Variants in NBAS observed in about 807,000 individuals in gnomAD.
NBAS encodes the protein NBAS subunit of NRZ tethering complex, also known as NAG/BC035112 fusion.
Under a neutral mutation model 302.5 loss-of-function variants are expected in NBAS, and 219 were observed. The observed-to-expected ratio is 0.72, with a 90% CI of 0.65 to 0.81. The LOEUF (loss-of-function observed/expected upper bound fraction) is 0.81. Ranked by LOEUF, NBAS falls within the 30% of genes least tolerant of loss-of-function variation. The probability of loss-of-function intolerance (pLI) is 0.00; values close to 1 mark genes in which losing one functional copy is unlikely to be tolerated. For missense variants in NBAS, 2,932 were observed against 2,841.6 expected (o/e 1.03, Z -0.72); for synonymous variants, 1,118 against 1,021.6 (o/e 1.09, Z -1.80).
Position 15,426,387 on chromosome 2 carries a change from T to C in NBAS, c.2423+1324A>G, listed in dbSNP as rs80244357. On this transcript the variant is annotated intron_variant, in intron 22 of 51. Transcript: ENST00000281513. ...ATGCATAATCTTCCATTCAAAGCAA[T>C]AGGCTTGAATTATTTCTTATAATTT... Among the ~76,000 whole-genome samples the C allele has an allele frequency of 6.2e-3, 942 of 152,316 alleles. 15 individuals are homozygous for C. The East Asian group carries it at 0.078, about 13-fold the overall frequency.
chr2:14,827,291 T>C, the NBAS span, among the ~76,000 whole-genome samples: 1 of 152,216 alleles, frequency 6.6e-6, no homozygotes, highest in African/African-American at 2.4e-5. Context: ...ATATTGTTAA[T>C]TCAAATTCTA....
rs776271105 is a variant in NBAS, at chr2:15,415,547, T to A, written c.2936A>T (p.Asp979Val). ...PLKIFQHSKP[D>V]LQQKIIPDQD... ...TTTAAGAAGTTAGTTTCTACTTACA[T>A]CTGGTTTGGAATGCTGAAATATCTT... is the stretch of plus-strand genomic sequence containing the variant. The change falls in exon 25 of 52, where the codon GAT becomes GTT. Residue 979 changes from aspartate to valine, a missense_variant and splice_region_variant. By Grantham distance (152) the Asp-to-Val change is radical. Transcript: ENST00000281513. 2.5e-6 allele frequency: 4 copies of A among 1,613,960 alleles called. No individual in the cohort carries two copies. The highest frequency in any genetic ancestry group is 3.4e-6 in the Non-Finnish European group (4 of 1,179,822).
chr2:15,130,071 C>T, the NBAS span, among the ~76,000 whole-genome samples: 1 of 152,170 alleles, frequency 6.6e-6, no homozygotes, highest in Non-Finnish European at 1.5e-5. Flanking sequence ...ACTCTTCAAC[C>T]CTGCCAACTA....
chr2:15,549,277 T>C (rs1664261973), intron 6 of NBAS, among the ~76,000 whole-genome samples: 1 of 152,158 alleles, frequency 6.6e-6, no homozygotes. Context: ...GAATAGTGTT[T>C]TTTTAATGAT....
the NBAS span, among the ~76,000 whole-genome samples, chr2:15,026,799 A>G: frequency 1.3e-5 from 2 of 152,272 alleles, no homozygotes; most frequent in African/African-American, 2.4e-5. Flanking sequence ...TATCTGAAAT[A>G]TATTTTATGT....
intron 4 of NBAS, among the ~76,000 whole-genome samples, chr2:15,553,696 C>G (rs73202791): frequency 5.3e-5 from 8 of 151,532 alleles, no homozygotes; most frequent in African/African-American, 1.9e-4. Context: ...CTCTCTCCCC[C>G]ACTCTCCCCA....
chr2:15,394,644 T>C (rs1168681976), intron 27 of NBAS, among the ~76,000 whole-genome samples: 2 of 152,248 alleles, frequency 1.3e-5, no homozygotes, highest in East Asian at 1.9e-4. Context: ...CACCTGTCAG[T>C]AAAATAAGCC....
chr2:15,411,438 A>C lies in NBAS; in HGVS notation c.2937+4108T>G, dbSNP rs114234966. ...GCAGGTAAGCAGATTTTTTAAAATT[A>C]ACATTTTAATGAGTACTTCTAAATA... On this transcript the variant is annotated intron_variant, in intron 25 of 51. Transcript: ENST00000281513. Among the ~76,000 whole-genome samples the C allele has an allele frequency of 6.8e-3, 1,029 of 152,328 alleles. 12 individuals are homozygous for C. Among genetic ancestry groups the C allele is most frequent in the African/African-American group, 0.022 (928 of 41,576 alleles).
At chr2:15,481,374 T>C (rs971326261) in intron 12 of NBAS, among the ~76,000 whole-genome samples, 1 of 152,168 alleles carries the variant, frequency 6.6e-6, no homozygotes, top group Non-Finnish European at 1.5e-5. Flanking sequence ...TAGCCTCAAC[T>C]TACCATCCTT....
the NBAS span, among the ~76,000 whole-genome samples, chr2:14,846,533 T>C: frequency 7.1e-5 from 10 of 141,406 alleles, no homozygotes; most frequent in Non-Finnish European, 3.0e-5. Context: ...AACTATATAA[T>C]ATGATAAAAC....
intron 47 of NBAS, among the ~76,000 whole-genome samples, chr2:15,226,842 A>G (rs1449769365): frequency 6.6e-6 from 1 of 152,232 alleles, no homozygotes; most frequent in African/African-American, 2.4e-5. Context: ...ATAGATGATC[A>G]TGCTATGTGC....
chr2:14,948,176 G>C, the NBAS span, among the ~76,000 whole-genome samples: 1 of 151,822 alleles, frequency 6.6e-6, no homozygotes, highest in Non-Finnish European at 1.5e-5. Flanking sequence ...TTTCTTTTTT[G>C]TTATGTTCTT....
intron 41 of NBAS, among the ~76,000 whole-genome samples, chr2:15,291,040 T>A (rs1670282031): frequency 6.6e-6 from 1 of 152,258 alleles, no homozygotes; most frequent in Admixed American, 6.5e-5. Flanking sequence ...AGATTATCTT[T>A]GCTATTTTAA....
the NBAS span, among the ~76,000 whole-genome samples, chr2:15,139,413 T>A: frequency 2.0e-5 from 3 of 152,186 alleles, no homozygotes; most frequent in African/African-American, 7.2e-5. Context: ...AATTGCTGTT[T>A]AAGTGTGATT....
intron 44 of NBAS, among the ~76,000 whole-genome samples, chr2:15,268,460 A>G (rs1336000460): frequency 6.6e-6 from 1 of 152,160 alleles, no homozygotes; most frequent in Non-Finnish European, 1.5e-5. Flanking sequence ...TCATTTTTAT[A>G]TTGATCACAT....
chr2:15,117,076 C>T, the NBAS span, among the ~76,000 whole-genome samples: 1 of 152,070 alleles, frequency 6.6e-6, no homozygotes, highest in Non-Finnish European at 1.5e-5. Flanking sequence ...CAGTTGTGCC[C>T]TTCGCAATAC....
At chr2:15,435,970 T>C (rs1455453233) in intron 21 of NBAS, among the ~76,000 whole-genome samples, 3 of 152,228 alleles carry the variant, frequency 2.0e-5, no homozygotes, top group Non-Finnish European at 4.4e-5. Flanking sequence ...ACTAACTTTA[T>C]ATAAATGCAT....
At chr2:15,244,960 C>T (rs1015357125) in intron 44 of NBAS, among the ~76,000 whole-genome samples, 3 of 152,006 alleles carry the variant, frequency 2.0e-5, no homozygotes, top group Admixed American at 6.6e-5. Context: ...CAATCACACC[C>T]GATTTTCCAG....
At chr2:15,474,613 T>G (rs1680109130) in intron 14 of NBAS, among the ~76,000 whole-genome samples, 1 of 152,006 alleles carries the variant, frequency 6.6e-6, no homozygotes, top group Non-Finnish European at 1.5e-5. Flanking sequence ...CAGGCTGGAA[T>G]GCAGTGGCGT....
Sources: allele counts gnomAD v4.1 joint callset (sites outside exome capture counted in the v4.1 genomes callset), GRCh38; gene constraint gnomAD v4.1.1; transcripts MANE v1.5; gene names NCBI Gene and HGNC (gene_info 2026-07-23, HGNC 2026-07-21).